HADHA: variants seen among roughly 807,000 people sequenced by gnomAD.
HADHA encodes the protein trifunctional enzyme subunit alpha, mitochondrial.
HADHA carries 59 observed loss-of-function variants against 91.3 expected under a neutral mutation model. The observed-to-expected ratio is 0.65, with a 90% CI of 0.52 to 0.80. The LOEUF is 0.80. Ranked by LOEUF, HADHA falls within the 30% of genes least tolerant of loss-of-function variation. HADHA has a pLI of 0.00. For missense variants in HADHA, 800 were observed against 927.6 expected (o/e 0.86, Z 1.79); for synonymous variants, 320 against 338.9 (o/e 0.94, Z 0.61).
chr2:26,221,524 G>A lies in HADHA; in HGVS notation c.677-6349C>T, dbSNP rs934480819. Among the ~76,000 whole-genome samples, 3 of 152,138 alleles carry A rather than the reference G, an allele frequency of 2.0e-5. No individual in the cohort carries two copies. The highest frequency in any genetic ancestry group is 6.5e-5 in the Admixed American group (1 of 15,276). ...CTAAGCCATAAAGTGGGGTGTACACGGTAGCACTCCATTATCAAATGGAAG... is the reference window on the plus strand; with the variant it reads ...CTAAGCCATAAAGTGGGGTGTACACAGTAGCACTCCATTATCAAATGGAAG... On this transcript the variant is annotated intron_variant, in intron 7 of 19. Transcript: ENST00000380649. The surrounding 1 kb of genome is among the most constrained non-coding windows in gnomAD (Gnocchi z 4.8).
chr2:26,215,475 G>T (rs1670195751), intron 7 of HADHA, among the ~76,000 whole-genome samples: 2 of 152,142 alleles, frequency 1.3e-5, no homozygotes, highest in Admixed American at 6.5e-5. Flanking sequence ...ACTGCAACCT[G>T]CATTCTTGCT....
intron 10 of HADHA, chr2:26,212,236 G>A (rs1670118353): frequency 2.8e-6 from 1 of 356,664 alleles, no homozygotes; most frequent in Non-Finnish European, 5.4e-6. Context: ...GTGGGTGCAT[G>A]CCACCATGCC....
At chr2:26,205,006 T>C (rs1233100950) in intron 11 of HADHA, among the ~76,000 whole-genome samples, 1 of 152,192 alleles carries the variant, frequency 6.6e-6, no homozygotes, top group Non-Finnish European at 1.5e-5. Flanking sequence ...CATATGCACA[T>C]TGCTACCTTT....
chr2:26,220,185 A>G (rs1272071770), intron 7 of HADHA, among the ~76,000 whole-genome samples: 1 of 152,200 alleles, frequency 6.6e-6, no homozygotes, highest in Non-Finnish European at 1.5e-5. Context: ...TCAAGTGATC[A>G]ATGGAGTTTT....
intron 12 of HADHA, among the ~76,000 whole-genome samples, chr2:26,203,733 C>A (rs79319295): frequency 1.3e-5 from 2 of 152,088 alleles, no homozygotes; most frequent in African/African-American, 4.8e-5. Context: ...TATCAAAATC[C>A]GCAGGCCTGA....
intron 1 of HADHA, among the ~76,000 whole-genome samples, chr2:26,243,574 T>C (rs1259450758): frequency 6.6e-6 from 1 of 152,024 alleles, no homozygotes; most frequent in Non-Finnish European, 1.5e-5. Context: ...CAGTAAGGGA[T>C]TTCAGCTACT....
In HADHA at chr2:26,234,338, T is replaced by A; in HGVS notation, c.332A>T (p.Lys111Met). ...GADINMLAAC[K>M]TLQEVTQLSQ... ...TAGCTGTGTTACTTCTTGAAGGGTC[T>A]TGCAAGCGGCTAACATGCTGCATTA... is the stretch of plus-strand genomic sequence containing the variant. Residue 111 changes from lysine (K) to methionine (M), a missense_variant, in exon 5 of 20, where the codon AAG (lysine) becomes ATG (methionine). Lys to Met is a moderately conservative substitution (Grantham distance 95). Coordinates refer to ENST00000380649, the MANE Select transcript of HADHA (RefSeq NM_000182.5). 6.2e-7 allele frequency: 1 copy of A among 1,613,510 alleles called. No individual in the cohort carries two copies. Among genetic ancestry groups the A allele is most frequent in the South Asian group, 1.1e-5 (1 of 91,078 alleles).
Position 26,213,539 on chromosome 2 carries a change from A to G in HADHA, c.918+904T>C, listed in dbSNP as rs185540204. Among the ~76,000 whole-genome samples the G allele has an allele frequency of 6.1e-4, 93 of 152,246 alleles. 1 individual carries two copies. Among genetic ancestry groups the G allele is most frequent in the Admixed American group, 4.4e-3 (68 of 15,284 alleles). ...TTGAAGAGCTTGTTTTCCAGCTTCCATAACTTTGCTCTAAATGCCCACCCT... is the reference window on the plus strand; with the variant it reads ...TTGAAGAGCTTGTTTTCCAGCTTCCGTAACTTTGCTCTAAATGCCCACCCT... On this transcript the variant is annotated intron_variant, in intron 9 of 19. Coordinates refer to ENST00000380649, the MANE Select transcript of HADHA (RefSeq NM_000182.5).
chr2:26,193,602 T>C lies in HADHA; in HGVS notation c.1860A>G (p.Thr620=), dbSNP rs1669575103. ...CTAGGAAGCCCTTGGACACCATCTG[T>C]GTCAGCAGTTCTGGGTTTCCACCTC... ...RFGGGNPELL[T]QMVSKGFLGR... Residue 620 remains threonine, a synonymous_variant, in exon 17 of 20, where the codon ACA becomes ACG. Coordinates refer to ENST00000380649, the MANE Select transcript of HADHA (RefSeq NM_000182.5). 6.2e-7 allele frequency: 1 copy of C among 1,613,822 alleles called. No homozygotes were observed. The highest frequency in any genetic ancestry group is 1.3e-5 in the African/African-American group (1 of 74,912).
chr2:26,207,055 G>A (rs947146122), intron 11 of HADHA, among the ~76,000 whole-genome samples: 15 of 152,054 alleles, frequency 9.9e-5, no homozygotes, highest in African/African-American at 3.1e-4. Context: ...AAAATGAGCC[G>A]GGTGTGGTGG....
intron 1 of HADHA, among the ~76,000 whole-genome samples, chr2:26,242,356 A>C (rs1670917527): frequency 6.6e-6 from 1 of 152,244 alleles, no homozygotes; most frequent in African/African-American, 2.4e-5. Flanking sequence ...CAAAATTTAT[A>C]AATTGCTATT....
intron 1 of HADHA, among the ~76,000 whole-genome samples, chr2:26,241,479 A>AC (rs199861145): frequency 0.018 from 2,660 of 147,418 alleles, 28 homozygotes; most frequent in Non-Finnish European, 0.026. Flanking sequence ...AACAACAACA[A>AC]AAAAAAAAAA....
intron 7 of HADHA, among the ~76,000 whole-genome samples, chr2:26,225,222 C>T (rs547458499): frequency 2.0e-5 from 3 of 152,198 alleles, no homozygotes; most frequent in Admixed American, 6.5e-5. Context: ...CAGTGGCTCA[C>T]ACCTGTAATC....
Position 26,195,089 on chromosome 2 carries a change from T to TA in HADHA, c.1620+2dup. On this transcript the variant is annotated splice_region_variant and intron_variant, in intron 15 of 19. Transcript: ENST00000380649. Reference sequence around the variant, plus strand: ...TCTGCAGCTCTGTTATACAGCCCCTTACCTTAACCACAATGATGACCTTCC... The same window carrying TA: ...TCTGCAGCTCTGTTATACAGCCCCTTAACCTTAACCACAATGATGACCTTCC... 6.2e-7 allele frequency: 1 copy of TA among 1,612,240 alleles called. No individual in the cohort carries two copies. Among genetic ancestry groups the TA allele is most frequent in the Non-Finnish European group, 8.5e-7 (1 of 1,178,306 alleles).
At chr2:26,244,414 G>T (rs965640502) in intron 1 of HADHA, 116 bp downstream of exon 1, 9 of 1,026,822 alleles carry the variant, frequency 8.8e-6, no homozygotes, top group African/African-American at 4.7e-5. Context: ...CCCCACAGAG[G>T]GCTGCGTCTC....
intron 5 of HADHA, 71 bp from the exon 6 acceptor site, chr2:26,232,350 T>A: frequency 9.8e-7 from 1 of 1,025,582 alleles, no homozygotes; most frequent in East Asian, 2.4e-5. Flanking sequence ...TGGATAAGGG[T>A]CTAAAGATTA....
chr2:26,191,568 C>T lies in HADHA; in HGVS notation c.2061G>A (p.Met687Ile), dbSNP rs1389958203. ...TGGCCAAGATCCCCTCTTGCAGGCA[C>T]ATGACTGCCTCATTCACAAATCTTG... The part of the protein sequence containing the change: ...LVTRFVNEAV[M>I]CLQEGILATP... The change falls in exon 19 of 20, where the codon ATG (methionine) becomes ATA (isoleucine). Residue 687 changes from methionine to isoleucine, a missense_variant. Met to Ile is a conservative substitution (Grantham distance 10). Transcript: ENST00000380649. 1 of 1,613,870 alleles carries T rather than the reference C, an allele frequency of 6.2e-7. No homozygotes were observed. The highest frequency in any genetic ancestry group is 2.2e-5 in the East Asian group (1 of 44,894).
In HADHA at chr2:26,214,792, C is replaced by G. The variant is rs980495866; in HGVS notation, c.800-231G>C. Reference sequence around the variant, plus strand: ...AGTGTTTATAACACTGTTATCTAGTCTTTTTGTGTTCATGCTTAACATTTT... The same window carrying G: ...AGTGTTTATAACACTGTTATCTAGTGTTTTTGTGTTCATGCTTAACATTTT... On this transcript the variant is annotated intron_variant, in intron 8 of 19. Transcript: ENST00000380649. The surrounding 1 kb of genome is among the most constrained non-coding windows in gnomAD (Gnocchi z 4.1). 6.6e-6 allele frequency among the ~76,000 whole-genome samples: 1 copy of G among 151,982 alleles called. No homozygotes were observed. Among genetic ancestry groups the G allele is most frequent in the Non-Finnish European group, 1.5e-5 (1 of 67,994 alleles).
intron 7 of HADHA, among the ~76,000 whole-genome samples, chr2:26,228,675 A>C (rs1480516157): frequency 6.6e-6 from 1 of 152,034 alleles, no homozygotes; most frequent in Non-Finnish European, 1.5e-5. Flanking sequence ...GAAATGTTTA[A>C]AAATTTTTGT....
Sources: gnomAD v4.1 joint callset for allele counts (sites outside exome capture counted in the v4.1 genomes callset) on GRCh38, gnomAD v4.1.1 for gene constraint, Gnocchi (gnomAD v3.1) non-coding constraint, MANE v1.5 for transcripts, NCBI Gene and HGNC (gene_info 2026-07-23, HGNC 2026-07-21) for gene names.